The following MAK variants were observed in gnomAD, a reference collection of about 807,000 sequenced individuals.
MAK encodes the protein male germ cell associated kinase, also known as serine/threonine-protein kinase MAK.
MAK carries 65 observed loss-of-function variants against 82.6 expected under a neutral mutation model. The ratio of observed to expected loss-of-function variants is 0.79; its 90% CI spans 0.64 to 0.97. The LOEUF is 0.97. Among genes scored for constraint, MAK ranks in the 50% least tolerant of loss-of-function variants. The pLI, the probability that MAK is intolerant of heterozygous loss-of-function variation, is 0.00. For synonymous variants in MAK, 250 were observed against 274.2 expected, an observed-to-expected ratio of 0.91 and a Z score of 0.87; for missense variants, 703 against 780.2, an observed-to-expected ratio of 0.90 and a Z score of 1.18.
intron 14 of MAK, among the ~76,000 whole-genome samples, chr6:10,769,016 C>A (rs551105496): frequency 6.6e-6 from 1 of 152,296 alleles, no homozygotes; most frequent in Non-Finnish European, 1.5e-5. Context: ...CAAGATCCAG[C>A]TTGGGCAACA....
chr6:10,828,474 A>G (rs560535491), intron 2 of MAK, among the ~76,000 whole-genome samples: 1 of 152,174 alleles, frequency 6.6e-6, no homozygotes, highest in Admixed American at 6.5e-5. Flanking sequence ...TTGAAGTCCT[A>G]GCCCCCAGAC....
intron 2 of MAK, among the ~76,000 whole-genome samples, chr6:10,826,941 G>A (rs770946567): frequency 2.6e-5 from 4 of 152,076 alleles, no homozygotes; most frequent in Non-Finnish European, 5.9e-5. Flanking sequence ...GAGAAACCCC[G>A]TCTCTACTAA....
chr6:10,777,199 G>A (rs577541509), intron 11 of MAK, among the ~76,000 whole-genome samples: 1 of 152,238 alleles, frequency 6.6e-6, no homozygotes, highest in East Asian at 1.9e-4. Context: ...CTGAGGTCAG[G>A]AGTTCGAGAC....
At chr6:10,777,408 CAA>C (rs57082378) in intron 11 of MAK, among the ~76,000 whole-genome samples, 179 of 137,718 alleles carry the variant, frequency 1.3e-3, no homozygotes, top group East Asian at 3.2e-3. Flanking sequence ...AAGACTGTCA[CAA>C]AAAAAAAAAA....
intron 9 of MAK, among the ~76,000 whole-genome samples, chr6:10,795,449 T>TA (rs898777724): frequency 7.8e-6 from 1 of 128,224 alleles, no homozygotes; most frequent in Non-Finnish European, 1.7e-5. Context: ...TCTCAAGAAA[T>TA]AAAAAAGAAA....
rs1274445058 is a variant in MAK, at chr6:10,764,570, A to T, written c.1829T>A (p.Phe610Tyr). 4.3e-6 allele frequency: 7 copies of T among 1,614,052 alleles called. No individual in the cohort carries two copies. Among genetic ancestry groups the T allele is most frequent in the Non-Finnish European group, 5.9e-6 (7 of 1,179,956 alleles). Reference sequence around the variant, plus strand: ...TGTAGGATTATAAGTACGTCCTGAAAACTGCCCCCGACCAGTTTTTGTGTT... The same window carrying T: ...TGTAGGATTATAAGTACGTCCTGAATACTGCCCCCGACCAGTTTTTGTGTT... ...TWNTKTGRGQ[F>Y]SGRTYNPTAK... is the part of the protein sequence containing the mutation. Residue 610 changes from phenylalanine (F) to tyrosine (Y), a missense_variant, in exon 15 of 15, where the codon TTT (phenylalanine) becomes TAT (tyrosine). By Grantham distance (22) the Phe-to-Tyr change is conservative. Transcript: ENST00000354489.
chr6:10,806,813 G>C (rs981731734), intron 6 of MAK, among the ~76,000 whole-genome samples: 1 of 151,882 alleles, frequency 6.6e-6, no homozygotes, highest in African/African-American at 2.4e-5. Flanking sequence ...ACCATGTTTT[G>C]ATGCAGCATA....
intron 4 of MAK, among the ~76,000 whole-genome samples, chr6:10,815,911 A>AATATAT (rs1561991497): frequency 6.4e-5 from 5 of 78,188 alleles, no homozygotes; most frequent in South Asian, 4.1e-4. Flanking sequence ...AGCTTTATAC[A>AATATAT]GTATATATAT....
chr6:10,819,770 G>T (rs1777783212), intron 2 of MAK, among the ~76,000 whole-genome samples: 1 of 152,020 alleles, frequency 6.6e-6, no homozygotes, highest in Non-Finnish European at 1.5e-5. Context: ...ATGAACATGT[G>T]TTTTTATATG....
chr6:10,826,250 C>A (rs571238999), intron 2 of MAK, among the ~76,000 whole-genome samples: 5 of 151,778 alleles, frequency 3.3e-5, no homozygotes, highest in African/African-American at 9.7e-5. Flanking sequence ...CCCCACCCCC[C>A]CTTTTAAAAA....
At chr6:10,780,611 C>A (rs536315752) in intron 11 of MAK, among the ~76,000 whole-genome samples, 1 of 151,848 alleles carries the variant, frequency 6.6e-6, no homozygotes, top group Non-Finnish European at 1.5e-5. Context: ...CACACCACCA[C>A]GCCCAGCTAA....
At chr6:10,810,375 G>A (rs560164642) in intron 5 of MAK, among the ~76,000 whole-genome samples, 156 of 144,042 alleles carry the variant, frequency 1.1e-3, no homozygotes, top group African/African-American at 3.9e-3. Flanking sequence ...GTTTTGAGAC[G>A]GAGTCTTGCT....
At position 10,763,050 on chromosome 6, in the gene MAK, A is replaced by G. The variant is rs1772093702; in HGVS notation, c.*1402T>C. 6.5e-6 allele frequency: 1 copy of G among 152,706 alleles called. No homozygotes were observed. The highest frequency in any genetic ancestry group is 1.5e-5 in the Non-Finnish European group (1 of 68,050). The allele number at this position is 152,706 out of a possible 1,614,324, so 9.5% of individuals were successfully genotyped here. On this transcript the variant is annotated 3_prime_UTR_variant, in exon 15 of 15. Coordinates refer to ENST00000354489, the MANE Select transcript of MAK (RefSeq NM_001242957.3). ...TTATTATTCTTTAAAAAGAATTTAC[A>G]GTACTAAGGTCCAGTCCAGAAAGTG...
chr6:10,793,750 T>C lies in MAK; in HGVS notation c.1144-1903A>G, dbSNP rs1399653721. Among the ~76,000 whole-genome samples the C allele has an allele frequency of 6.6e-6, 1 of 152,220 alleles. No individual in the cohort carries two copies. Among genetic ancestry groups the C allele is most frequent in the Non-Finnish European group, 1.5e-5 (1 of 68,032 alleles). On this transcript the variant is annotated intron_variant, in intron 9 of 14. Coordinates refer to ENST00000354489, the MANE Select transcript of MAK (RefSeq NM_001242957.3). The surrounding 1 kb of genome is among the most constrained non-coding windows in gnomAD (Gnocchi z 4.6). ...GCGTCCCTCGCATATGCATGGCACT[T>C]GGAAGCTACTCAATAAATATTAACT...
chr6:10,832,615 C>G (rs1778889511), intron 1 of MAK, among the ~76,000 whole-genome samples: 1 of 151,550 alleles, frequency 6.6e-6, no homozygotes, highest in South Asian at 2.1e-4. Context: ...TTTTTTTTGA[C>G]AGCCTCCCAT....
At chr6:10,784,074 G>A (rs1561945478) in intron 11 of MAK, among the ~76,000 whole-genome samples, 1 of 151,930 alleles carries the variant, frequency 6.6e-6, no homozygotes, top group Non-Finnish European at 1.5e-5. Context: ...ATTTAGGAAA[G>A]AGTATTTGAA....
At chr6:10,797,910 T>C in intron 8 of MAK, 1 of 1,268,922 alleles carries the variant, frequency 7.9e-7, no homozygotes, top group Non-Finnish European at 1.0e-6. Context: ...TTGTTAAGGG[T>C]TACTTGCATT....
At chr6:10,836,685 A>G (rs903747443) in intron 1 of MAK, among the ~76,000 whole-genome samples, 1 of 152,222 alleles carries the variant, frequency 6.6e-6, no homozygotes, top group Non-Finnish European at 1.5e-5. Context: ...ATAGGAATAT[A>G]TTAACACAGT....
intron 12 of MAK, among the ~76,000 whole-genome samples, chr6:10,774,972 CT>C (rs1386399067): frequency 2.0e-5 from 3 of 151,982 alleles, no homozygotes; most frequent in South Asian, 4.1e-4. Context: ...GTGGGAAAAC[CT>C]TTTTTTTATT....
Sources: allele counts gnomAD v4.1 joint callset (sites outside exome capture counted in the v4.1 genomes callset), GRCh38; gene constraint gnomAD v4.1.1; non-coding constraint Gnocchi (gnomAD v3.1); transcripts MANE v1.5; gene names NCBI Gene and HGNC (gene_info 2026-07-23, HGNC 2026-07-21).